The following CLIC5 variants were observed in gnomAD, a reference collection of about 807,000 sequenced individuals.
CLIC5 encodes CLIC family member 5.
In CLIC5, 20 loss-of-function variants were observed where a neutral mutation model predicts 24.7. That is an observed-to-expected ratio of 0.81 (90% CI 0.57 to 1.18). The LOEUF is 1.18. Ranked by LOEUF, CLIC5 falls within the 50% of genes most tolerant of loss-of-function variation. The probability of loss-of-function intolerance (pLI) is 0.00; values close to 1 mark genes in which losing one functional copy is unlikely to be tolerated. For missense variants in CLIC5, 341 were observed against 326.1 expected, an observed-to-expected ratio of 1.05 and a Z score of -0.35; for synonymous variants, 159 against 135.6, an observed-to-expected ratio of 1.17 and a Z score of -1.20.
At chr6:45,983,751 G>A (rs1765640094) in intron 1 of CLIC5, among the ~76,000 whole-genome samples, 1 of 152,152 alleles carries the variant, frequency 6.6e-6, no homozygotes. Context: ...CCTGGTAAGG[G>A]CTAAGAACCT....
intron 1 of CLIC5, among the ~76,000 whole-genome samples, chr6:46,021,697 C>G (rs1160346077): frequency 6.6e-6 from 1 of 152,172 alleles, no homozygotes; most frequent in Non-Finnish European, 1.5e-5. Flanking sequence ...AGGTTACTTA[C>G]TGTATGGTTT....
chr6:45,955,637 A>T (rs910627083), intron 1 of CLIC5, among the ~76,000 whole-genome samples: 4 of 152,062 alleles, frequency 2.6e-5, no homozygotes, highest in African/African-American at 9.7e-5. Context: ...AGTTGTATTA[A>T]TATCTCTCAA....
rs533542240 is a variant in CLIC5 at position 45,946,868 on chromosome 6, G to T, written c.299+2388C>A. 2.0e-5 allele frequency among the ~76,000 whole-genome samples: 3 copies of T among 152,320 alleles called. No individual in the cohort carries two copies. In the East Asian group the frequency reaches 5.8e-4, roughly 29 times the overall value. ...GCGCCCCCACCTTGGTAGGCTTCTG[G>T]AGATATGCATTTTAACAGCATCAAG... On this transcript the variant is annotated intron_variant, in intron 3 of 5. Transcript: ENST00000339561.
the CLIC5 span, among the ~76,000 whole-genome samples, chr6:46,120,757 A>C: frequency 6.6e-6 from 1 of 152,182 alleles, no homozygotes; most frequent in African/African-American, 2.4e-5. Context: ...GGAGCTGAAA[A>C]CCATGGCACG....
rs533092384 is a variant in CLIC5 at position 46,035,742 on chromosome 6, C to A, written c.540+43961G>T. 5.1e-3 allele frequency among the ~76,000 whole-genome samples: 759 copies of A among 149,260 alleles called. 5 individuals are homozygous for A. The highest frequency in any genetic ancestry group is 8.4e-3 in the Non-Finnish European group (562 of 66,920). ...GCCAGAGCTGGTGGTTTTCTTTTTT[C>A]TTTTATTTTCTTTTTTTTTTTAAGA... On this transcript the variant is annotated intron_variant, in intron 1 of 5. Transcript: ENST00000185206.
intron 1 of CLIC5, among the ~76,000 whole-genome samples, chr6:45,986,908 C>G (rs532286186): frequency 1.0e-3 from 159 of 152,260 alleles, no homozygotes; most frequent in African/African-American, 3.7e-3. Context: ...GACAGAAGAC[C>G]CTGGGGTCAT....
intron 4 of CLIC5, among the ~76,000 whole-genome samples, chr6:45,927,163 C>CT (rs397965631): frequency 0.28 from 41,781 of 151,710 alleles, 6,258 homozygotes; most frequent in East Asian, 0.47. Flanking sequence ...TGTTTGTATA[C>CT]TTTTTTTTCT....
chr6:45,990,948 A>G (rs1252445005), intron 1 of CLIC5, among the ~76,000 whole-genome samples: 1 of 152,138 alleles, frequency 6.6e-6, no homozygotes, highest in East Asian at 1.9e-4. Context: ...ATAGACCCAT[A>G]TCAAGTCTCT....
intron 4 of CLIC5, among the ~76,000 whole-genome samples, chr6:45,922,499 A>G (rs1003154252): frequency 2.0e-5 from 3 of 152,232 alleles, no homozygotes; most frequent in African/African-American, 4.8e-5. Context: ...GTTCAGAAGT[A>G]TTAGTACAAC....
intron 1 of CLIC5, among the ~76,000 whole-genome samples, chr6:46,070,453 G>A (rs1762563113): frequency 6.6e-6 from 1 of 151,954 alleles, no homozygotes; most frequent in Admixed American, 6.6e-5. Flanking sequence ...AGCCAAATCA[G>A]GAATGCAATC....
chr6:46,120,168 A>T, the CLIC5 span, among the ~76,000 whole-genome samples: 68,189 of 152,044 alleles, frequency 0.45, 16,584 homozygotes, highest in Middle Eastern at 0.68. Context: ...GTAGGCTATC[A>T]GGGAGGCACC....
intron 6 of CLIC5, among the ~76,000 whole-genome samples, chr6:45,882,903 T>C (rs1156664708): frequency 6.6e-6 from 1 of 152,206 alleles, no homozygotes; most frequent in South Asian, 2.1e-4. Context: ...TAGAAGAGTA[T>C]TGAAAAGACC....
intron 1 of CLIC5, among the ~76,000 whole-genome samples, chr6:46,076,981 A>T (rs1455812471): frequency 6.6e-6 from 1 of 152,064 alleles, no homozygotes; most frequent in African/African-American, 2.4e-5. Context: ...TACTAAAAAT[A>T]CAAAAATTAC....
chr6:45,977,179 T>C (rs74439023), intron 1 of CLIC5, among the ~76,000 whole-genome samples: 2,668 of 152,332 alleles, frequency 0.018, 42 homozygotes, highest in Non-Finnish European at 0.025. Flanking sequence ...AGTAACTTTT[T>C]CATTCTTTAT....
intron 1 of CLIC5, among the ~76,000 whole-genome samples, chr6:45,992,584 A>G (rs146194620): frequency 7.7e-4 from 118 of 152,262 alleles, no homozygotes; most frequent in African/African-American, 2.6e-3. Context: ...TAACAGATAC[A>G]TATGCATCAT....
chr6:46,101,792 A>G, the CLIC5 span, among the ~76,000 whole-genome samples: 1 of 152,232 alleles, frequency 6.6e-6, no homozygotes, highest in East Asian at 1.9e-4. Flanking sequence ...AAGTTTATTT[A>G]ATAATGTAAA....
At chr6:46,004,711 G>C (rs1193251656) in intron 1 of CLIC5, among the ~76,000 whole-genome samples, 1 of 152,132 alleles carries the variant, frequency 6.6e-6, no homozygotes. Context: ...TAATAATCCT[G>C]CCACACAGAT....
At chr6:46,108,926 CT>C in the CLIC5 span, among the ~76,000 whole-genome samples, 1 of 152,048 alleles carries the variant, frequency 6.6e-6, no homozygotes, top group Non-Finnish European at 1.5e-5. Context: ...CCAAGAGAGA[CT>C]TATTAGGCTA....
At chr6:46,098,645 G>A in the CLIC5 span, among the ~76,000 whole-genome samples, 18 of 152,296 alleles carry the variant, frequency 1.2e-4, no homozygotes, top group East Asian at 1.3e-3. Flanking sequence ...CATAGCCTTT[G>A]CAAGGATTAA....
Sources: gnomAD v4.1 joint callset for allele counts (sites outside exome capture counted in the v4.1 genomes callset) on GRCh38, gnomAD v4.1.1 for gene constraint, MANE v1.5 for transcripts, NCBI Gene and HGNC (gene_info 2026-07-23, HGNC 2026-07-21) for gene names.